DPP10: variants seen among roughly 807,000 people sequenced by gnomAD.
The protein encoded by DPP10 is dipeptidyl peptidase like 10, also known as inactive dipeptidyl peptidase 10.
A neutral mutation model predicts 120.9 loss-of-function variants in DPP10; 33 were observed. The observed-to-expected ratio is 0.27, with a 90% CI of 0.21 to 0.37. The LOEUF is 0.37. Ranked by LOEUF, DPP10 falls within the 10% of genes least tolerant of loss-of-function variation. DPP10 has a pLI of 1.00. For missense variants in DPP10, 816 were observed against 942.8 expected, an observed-to-expected ratio of 0.87 and a Z score of 1.76; for synonymous variants, 337 against 326.1, an observed-to-expected ratio of 1.03 and a Z score of -0.36.
chr2:114,985,747 T>A (rs1700354700), intron 1 of DPP10, among the ~76,000 whole-genome samples: 1 of 152,326 alleles, frequency 6.6e-6, no homozygotes, highest in East Asian at 1.9e-4. Context: ...TGAAACATAG[T>A]AAAAGATTGA....
chr2:114,771,100 ATG>A (rs1336623970), intron 1 of DPP10, among the ~76,000 whole-genome samples: 1 of 152,228 alleles, frequency 6.6e-6, no homozygotes, highest in Non-Finnish European at 1.5e-5. Flanking sequence ...CATTTAGAAT[ATG>A]TTAAGAAAAA....
intron 1 of DPP10, among the ~76,000 whole-genome samples, chr2:114,658,145 T>C (rs1697102180): frequency 6.6e-6 from 1 of 152,194 alleles, no homozygotes; most frequent in Non-Finnish European, 1.5e-5. Context: ...CACATGTGCA[T>C]AGGAGTATAT....
chr2:114,946,812 T>C (rs972784023), intron 1 of DPP10, among the ~76,000 whole-genome samples: 9 of 152,124 alleles, frequency 5.9e-5, no homozygotes, highest in Admixed American at 1.3e-4. Flanking sequence ...TAGAATGTAT[T>C]GGGATGTGTT....
chr2:115,698,113 A>T (rs1481930175), intron 7 of DPP10, among the ~76,000 whole-genome samples: 1 of 152,188 alleles, frequency 6.6e-6, no homozygotes, highest in Non-Finnish European at 1.5e-5. Context: ...GATGGATCAT[A>T]CATTTTGCCA....
intron 5 of DPP10, among the ~76,000 whole-genome samples, chr2:115,589,035 G>A (rs2082464920): frequency 6.6e-6 from 1 of 152,116 alleles, no homozygotes; most frequent in African/African-American, 2.4e-5. Context: ...AAATATTAAA[G>A]AGTATTAAAA....
chr2:114,810,069 T>G (rs1685055654), intron 1 of DPP10, among the ~76,000 whole-genome samples: 1 of 152,202 alleles, frequency 6.6e-6, no homozygotes, highest in South Asian at 2.1e-4. Flanking sequence ...CTCAATGACC[T>G]TGGGAAAGTG....
intron 8 of DPP10, among the ~76,000 whole-genome samples, chr2:115,728,708 C>T (rs2092827449): frequency 6.6e-6 from 1 of 152,030 alleles, no homozygotes. Context: ...ATCTCTCTAC[C>T]TCAGATTTGA....
intron 1 of DPP10, among the ~76,000 whole-genome samples, chr2:115,230,404 C>A (rs2057679230): frequency 6.6e-6 from 1 of 151,920 alleles, no homozygotes; most frequent in Non-Finnish European, 1.5e-5. Context: ...GAATGCCCTT[C>A]AGTTCTTTCT....
At chr2:114,913,893 T>C (rs145055220) in intron 1 of DPP10, among the ~76,000 whole-genome samples, 1 of 152,182 alleles carries the variant, frequency 6.6e-6, no homozygotes, top group African/African-American at 2.4e-5. Context: ...GAATTGATCT[T>C]CTAGAGCTGA....
chr2:115,486,704 C>A (rs373890169), intron 3 of DPP10, among the ~76,000 whole-genome samples: 7 of 152,214 alleles, frequency 4.6e-5, no homozygotes, highest in Admixed American at 6.6e-5. Context: ...TGCAAACAAC[C>A]CTTCTGGTGG....
intron 9 of DPP10, among the ~76,000 whole-genome samples, chr2:115,745,772 G>GTTTC (rs1488581005): frequency 7.1e-6 from 1 of 140,338 alleles, no homozygotes; most frequent in Non-Finnish European, 1.5e-5. Flanking sequence ...TTGTTTGTTT[G>GTTTC]TTTGTTTGTT....
intron 5 of DPP10, among the ~76,000 whole-genome samples, chr2:115,673,684 A>G (rs1265712397): frequency 1.3e-5 from 2 of 152,088 alleles, no homozygotes; most frequent in Non-Finnish European, 2.9e-5. Flanking sequence ...TTCTTTTTGT[A>G]TGGACTAGGT....
Position 115,284,548 on chromosome 2 carries a change from A to G in DPP10, c.61-24691A>G, listed in dbSNP as rs2060288118. 2.0e-5 allele frequency among the ~76,000 whole-genome samples: 3 copies of G among 152,158 alleles called. No individual in the cohort carries two copies. In the South Asian group the frequency reaches 6.2e-4, roughly 32 times the overall value. On this transcript the variant is annotated intron_variant, in intron 1 of 25. Coordinates refer to ENST00000410059, the MANE Select transcript of DPP10 (RefSeq NM_020868.6). ...TAATGAATAGATATGTTAACAAGTT[A>G]TGTTAGAACAGGACAAGACTAGCTT...
At chr2:114,858,134 T>C (rs1427922030) in intron 1 of DPP10, among the ~76,000 whole-genome samples, 1 of 151,992 alleles carries the variant, frequency 6.6e-6, no homozygotes, top group Admixed American at 6.6e-5. Flanking sequence ...GGACTACAGA[T>C]GCACGCCGCC....
At chr2:115,083,810 G>A (rs1052209183) in intron 1 of DPP10, among the ~76,000 whole-genome samples, 1 of 152,166 alleles carries the variant, frequency 6.6e-6, no homozygotes, top group Non-Finnish European at 1.5e-5. Flanking sequence ...CAACTACACA[G>A]CCAGCCATTG....
At position 115,207,273 on chromosome 2, in the gene DPP10, G is replaced by T. The variant is rs563610101; in HGVS notation, c.61-101966G>T. ...GAGTAACTTGTGTACAGTTACAGAA[G>T]AGTATTTGTTTTCCTCCAACAGTCT... On this transcript the variant is annotated intron_variant, in intron 1 of 25. Coordinates refer to ENST00000410059, the MANE Select transcript of DPP10 (RefSeq NM_020868.6). 2.9e-4 allele frequency among the ~76,000 whole-genome samples: 44 copies of T among 152,178 alleles called. 1 individual carries two copies. Among genetic ancestry groups the T allele is most frequent in the African/African-American group, 1.1e-3 (44 of 41,536 alleles).
chr2:115,440,453 A>T (rs2071924786), intron 3 of DPP10, among the ~76,000 whole-genome samples: 2 of 147,640 alleles, frequency 1.4e-5, no homozygotes, highest in South Asian at 4.4e-4. Context: ...TGTTATGCAT[A>T]TCTTATTATT....
chr2:114,645,536 C>G (rs962802035), intron 1 of DPP10, among the ~76,000 whole-genome samples: 3 of 152,180 alleles, frequency 2.0e-5, no homozygotes, highest in African/African-American at 7.2e-5. Context: ...TCCACAAAAG[C>G]CATTTCACAT....
At chr2:114,770,751 TCTTTTATAC>T (rs1366196054) in intron 1 of DPP10, among the ~76,000 whole-genome samples, 1 of 152,224 alleles carries the variant, frequency 6.6e-6, no homozygotes, top group Non-Finnish European at 1.5e-5. Context: ...GCTCTGAATT[TCTTTTATAC>T]CTTGAGTCCC....
Sources: gnomAD v4.1 joint callset for allele counts (sites outside exome capture counted in the v4.1 genomes callset) on GRCh38, gnomAD v4.1.1 for gene constraint, MANE v1.5 for transcripts, NCBI Gene and HGNC (gene_info 2026-07-23, HGNC 2026-07-21) for gene names.